Variants in DMD observed in about 807,000 individuals in gnomAD.
The protein encoded by DMD is mutant dystrophin.
A neutral mutation model predicts 330.1 loss-of-function variants in DMD; 63 were observed. The observed-to-expected ratio is 0.19, with a 90% CI of 0.16 to 0.24. DMD has a LOEUF of 0.24. Among genes scored for constraint, DMD ranks in the 10% least tolerant of loss-of-function variants. The pLI is 1.00. For synonymous variants in DMD, 1,223 were observed against 959.8 expected, an observed-to-expected ratio of 1.27 and a Z score of -5.07; for missense variants, 3,344 against 2,684.1, an observed-to-expected ratio of 1.25 and a Z score of -5.43.
chrX:32,553,570 A>G (rs2049831880), intron 16 of DMD, among the ~76,000 whole-genome samples: 1 of 110,298 alleles, frequency 9.1e-6, no homozygotes. Context: ...AAATAAAAGT[A>G]AAAAATAATA....
chrX:31,609,203 G>A (rs1364250273), intron 55 of DMD, among the ~76,000 whole-genome samples: 1 of 111,186 alleles, frequency 9.0e-6, no homozygotes, highest in Non-Finnish European at 1.9e-5. Flanking sequence ...CTTTAACAGC[G>A]GATGTGAGTA....
At chrX:33,003,177 C>A (rs989758482) in intron 2 of DMD, among the ~76,000 whole-genome samples, 1 of 110,556 alleles carries the variant, frequency 9.0e-6, no homozygotes, top group Admixed American at 9.7e-5. Flanking sequence ...TCCCTAGAGT[C>A]CATTATATCA....
chrX:32,699,916 T>A (rs1377683070), intron 7 of DMD, among the ~76,000 whole-genome samples: 2 of 112,072 alleles, frequency 1.8e-5, no homozygotes, highest in African/African-American at 6.5e-5. Context: ...AAGTAGAATA[T>A]CACTTTCCTT....
At chrX:32,604,428 C>A (rs752917574) in intron 12 of DMD, among the ~76,000 whole-genome samples, 1 of 109,839 alleles carries the variant, frequency 9.1e-6, no homozygotes, top group East Asian at 2.9e-4. Context: ...ATATGACAAA[C>A]CAAGAGCCAA....
Position 32,438,295 on chromosome X carries a change from T to C in DMD, c.4017A>G (p.Leu1339=). ...TAAATGTCTCAAGTTCCTCATTGATTAGCTCATCCATGACTCCGCCATCTG... is the reference window on the plus strand; with the variant it reads ...TAAATGTCTCAAGTTCCTCATTGATCAGCTCATCCATGACTCCGCCATCTG... ...TLTDGGVMDE[L]INEELETFNS... Residue 1339 remains leucine, a synonymous_variant, in exon 29 of 79, where the codon CTA becomes CTG. Coordinates refer to ENST00000357033, the MANE Select transcript of DMD (RefSeq NM_004006.3). 8.3e-7 allele frequency: 1 copy of C among 1,210,906 alleles called. No homozygotes were observed. Among genetic ancestry groups the C allele is most frequent in the Non-Finnish European group, 1.1e-6 (1 of 894,617 alleles).
chrX:33,159,968 A>G (rs1452513214), intron 1 of DMD, among the ~76,000 whole-genome samples: 2 of 111,843 alleles, frequency 1.8e-5, no homozygotes, highest in Non-Finnish European at 3.8e-5. Context: ...CAATGGTTCC[A>G]CTTACAATTT....
At chrX:32,583,184 A>AT (rs1330985712) in intron 13 of DMD, among the ~76,000 whole-genome samples, 1 of 111,676 alleles carries the variant, frequency 9.0e-6, no homozygotes, top group African/African-American at 3.3e-5. Flanking sequence ...TGTCTGGTGC[A>AT]TTTTTTCTTT....
At chrX:32,199,432 C>G (rs1433640282) in intron 44 of DMD, among the ~76,000 whole-genome samples, 1 of 110,637 alleles carries the variant, frequency 9.0e-6, no homozygotes, top group Non-Finnish European at 1.9e-5. Flanking sequence ...CTGTTGGGTA[C>G]TGAGCCACTA....
chrX:32,522,941 G>A (rs1485785741), intron 17 of DMD, among the ~76,000 whole-genome samples: 4 of 111,574 alleles, frequency 3.6e-5, no homozygotes, highest in East Asian at 2.8e-4. Flanking sequence ...TCAAATTCAC[G>A]CTTTAAACTT....
intron 41 of DMD, among the ~76,000 whole-genome samples, chrX:32,313,110 C>A (rs952913859): frequency 9.2e-6 from 1 of 108,486 alleles, no homozygotes; most frequent in Non-Finnish European, 1.9e-5. Flanking sequence ...CATCCTGATA[C>A]CAAAACCTGG....
At chrX:32,122,791 A>C (rs774002294) in intron 44 of DMD, among the ~76,000 whole-genome samples, 2 of 110,894 alleles carry the variant, frequency 1.8e-5, no homozygotes, top group East Asian at 5.7e-4. Context: ...AGGCAAAACT[A>C]CTCTGACAGA....
At chrX:32,927,370 T>C (rs1451643862) in intron 2 of DMD, among the ~76,000 whole-genome samples, 1 of 94,516 alleles carries the variant, frequency 1.1e-5, no homozygotes, top group East Asian at 3.3e-4. Context: ...TTTCTTTTTT[T>C]TTTTTTTTTT....
chrX:31,618,204 C>T (rs1391661265), intron 55 of DMD, among the ~76,000 whole-genome samples: 1 of 98,626 alleles, frequency 1.0e-5, no homozygotes, highest in African/African-American at 3.8e-5. Context: ...CAAACCTGCA[C>T]ATGTGCCCCT....
At chrX:31,653,336 C>CATGCATATGCATATACACGTATATGT (rs2080572516) in intron 54 of DMD, among the ~76,000 whole-genome samples, 1 of 111,465 alleles carries the variant, frequency 9.0e-6, no homozygotes, top group Non-Finnish European at 1.9e-5. Flanking sequence ...TATGTATATG[C>CATGCATATGCATATACACGTATATGT]ATGCATATGC....
At chrX:32,396,107 A>C (rs985743410) in intron 30 of DMD, among the ~76,000 whole-genome samples, 1 of 111,388 alleles carries the variant, frequency 9.0e-6, no homozygotes, top group South Asian at 3.7e-4. Context: ...TAATAGGAAC[A>C]ACAACAGCTT....
rs149075886 is a variant in DMD, at chrX:32,570,332, G to T, written c.1812+3198C>A. On this transcript the variant is annotated intron_variant, in intron 15 of 78. Transcript: ENST00000357033. ...CAAAGGAATTTTACCTCAAATTCTA[G>T]ACCAGCTGTCAGGTTTTGTTAATTG... 5.6e-3 allele frequency among the ~76,000 whole-genome samples: 623 copies of T among 111,799 alleles called. 2 individuals are homozygous for T. Among genetic ancestry groups the T allele is most frequent in the Non-Finnish European group, 8.0e-3 (427 of 53,187 alleles).
intron 9 of DMD, among the ~76,000 whole-genome samples, chrX:32,656,108 G>A (rs944182580): frequency 8.9e-6 from 1 of 112,015 alleles, no homozygotes; most frequent in Non-Finnish European, 1.9e-5. Context: ...ATCTAGAAAT[G>A]TCACTACAGT....
At chrX:33,136,117 C>G (rs977640135) in intron 1 of DMD, among the ~76,000 whole-genome samples, 2 of 109,727 alleles carry the variant, frequency 1.8e-5, no homozygotes, top group African/African-American at 3.3e-5. Context: ...AAGTTCAAGA[C>G]CAGCCTGAGC....
chrX:33,079,280 G>C (rs1256504923), intron 1 of DMD, among the ~76,000 whole-genome samples: 1 of 111,473 alleles, frequency 9.0e-6, no homozygotes, highest in South Asian at 3.8e-4. Flanking sequence ...CTAACGTGCT[G>C]GGATTACAGG....
Sources: allele counts gnomAD v4.1 joint callset (sites outside exome capture counted in the v4.1 genomes callset), GRCh38; gene constraint gnomAD v4.1.1; transcripts MANE v1.5; gene names NCBI Gene and HGNC (gene_info 2026-07-23, HGNC 2026-07-21).